Variants in TTC7B observed in about 807,000 individuals in gnomAD.
TTC7B encodes the protein tetratricopeptide repeat protein 7B.
In TTC7B, 28 loss-of-function variants were observed where a neutral mutation model predicts 106.8. That is an observed-to-expected ratio of 0.26 (90% CI 0.19 to 0.36). TTC7B has a LOEUF of 0.36. Among genes scored for constraint, TTC7B ranks in the 10% least tolerant of loss-of-function variants. The pLI, the probability that TTC7B is intolerant of heterozygous loss-of-function variation, is 1.00. For synonymous variants in TTC7B, 405 were observed against 430.6 expected, an observed-to-expected ratio of 0.94 and a Z score of 0.74; for missense variants, 862 against 1,076.4, an observed-to-expected ratio of 0.80 and a Z score of 2.79.
chr14:90,738,933 G>A (rs1889650841), intron 4 of TTC7B, among the ~76,000 whole-genome samples: 1 of 152,176 alleles, frequency 6.6e-6, no homozygotes, highest in Non-Finnish European at 1.5e-5. Context: ...GCTGAGGTAA[G>A]AGGATCGCTT....
chr14:90,615,211 A>G lies in TTC7B; in HGVS notation c.1868+2718T>C, dbSNP rs573948303. ...CCCCCTTTAAGCAAAAATCGAGAAGAGGGAACGGGTTGCTGAGAATATGAA... is the reference window on the plus strand; with the variant it reads ...CCCCCTTTAAGCAAAAATCGAGAAGGGGGAACGGGTTGCTGAGAATATGAA... On this transcript the variant is annotated intron_variant, in intron 16 of 19. Transcript: ENST00000328459. Among the ~76,000 whole-genome samples the G allele has an allele frequency of 2.4e-4, 37 of 152,282 alleles. No individual in the cohort carries two copies. In the South Asian group the frequency reaches 7.3e-3, roughly 30 times the overall value.
Position 90,541,562 on chromosome 14 carries a change from A to G in TTC7B, c.2338T>C (p.Tyr780His). 6.2e-7 allele frequency: 1 copy of G among 1,604,906 alleles called. No individual in the cohort carries two copies. Among genetic ancestry groups the G allele is most frequent in the Non-Finnish European group, 8.5e-7 (1 of 1,173,260 alleles). ...LALILHQLGR[Y>H]SLAEKILRDA... ...CGGAGGATCTTCTCCGCCAGACTGT[A>G]GCGGCCTAGCTGGTGAAGGATCAGG... The change falls in exon 20 of 20, where the codon TAC (tyrosine) becomes CAC (histidine). Residue 780 changes from tyrosine (Y) to histidine (H), a missense_variant. By Grantham distance (83) the Tyr-to-His change is moderately conservative (BLOSUM62 2). Transcript: ENST00000328459.
chr14:90,730,216 G>T lies in TTC7B; in HGVS notation c.577-20C>A. The T allele has an allele frequency of 6.3e-7, 1 of 1,592,036 alleles. No individual in the cohort carries two copies. The stretch of plus-strand genomic sequence containing the variant: ...TATTACCTAGAAGGGGAGAAAATTG[G>T]AAAACTAATCAGATGCACATCCAAG... On this transcript the variant is annotated intron_variant, in intron 4 of 19. Transcript: ENST00000328459.
chr14:90,612,178 C>T (rs190949823), intron 16 of TTC7B, among the ~76,000 whole-genome samples: 1 of 152,310 alleles, frequency 6.6e-6, no homozygotes, highest in African/African-American at 2.4e-5. Context: ...TCAGCCTATA[C>T]TTATTACATC....
intron 7 of TTC7B, among the ~76,000 whole-genome samples, chr14:90,688,472 A>T (rs1887332241): frequency 6.6e-6 from 1 of 152,034 alleles, no homozygotes; most frequent in African/African-American, 2.4e-5. Flanking sequence ...AAATACAAAA[A>T]ATTAGCCAGG....
chr14:90,794,237 T>A (rs1318738538), intron 1 of TTC7B, among the ~76,000 whole-genome samples: 1 of 133,364 alleles, frequency 7.5e-6, no homozygotes. Context: ...TTTTTTTTTT[T>A]GAGACGGAGT....
chr14:90,752,980 G>T (rs78442576), intron 3 of TTC7B, among the ~76,000 whole-genome samples: 1 of 152,134 alleles, frequency 6.6e-6, no homozygotes, highest in African/African-American at 2.4e-5. Context: ...TCCCCAGATC[G>T]CTGGGCCTCC....
chr14:90,634,941 C>G (rs912540280), intron 15 of TTC7B, among the ~76,000 whole-genome samples: 1 of 152,128 alleles, frequency 6.6e-6, no homozygotes, highest in African/African-American at 2.4e-5. Flanking sequence ...TGTACAATAG[C>G]AGTAACAACA....
intron 18 of TTC7B, among the ~76,000 whole-genome samples, chr14:90,588,886 T>TA (rs572763059): frequency 0.052 from 4,272 of 81,638 alleles, 93 homozygotes; most frequent in African/African-American, 0.11. Context: ...AAACAAAAAC[T>TA]AAAAAAAAAA....
chr14:90,758,328 G>GGGCGGGGCGGGGCGGGGCGC (rs1207016707), intron 3 of TTC7B, among the ~76,000 whole-genome samples: 1 of 147,592 alleles, frequency 6.8e-6, no homozygotes, highest in African/African-American at 2.5e-5. Context: ...CAGGACGGCG[G>GGGCGGGGCGGGGCGGGGCGC]GGCGGGGCGG....
intron 5 of TTC7B, among the ~76,000 whole-genome samples, chr14:90,701,233 G>A (rs1436756411): frequency 6.6e-6 from 1 of 152,204 alleles, no homozygotes; most frequent in Admixed American, 6.5e-5. Flanking sequence ...TATGAGAGCT[G>A]TACTGGGCTT....
intron 3 of TTC7B, among the ~76,000 whole-genome samples, chr14:90,755,908 A>T (rs1483167036): frequency 2.0e-5 from 3 of 152,270 alleles, no homozygotes; most frequent in African/African-American, 7.2e-5. Context: ...TCTTCTCATT[A>T]TATGTCTTTC....
chr14:90,609,717 G>C (rs192294500), intron 17 of TTC7B, among the ~76,000 whole-genome samples: 38 of 152,282 alleles, frequency 2.5e-4, no homozygotes, highest in South Asian at 2.1e-4. Context: ...GAAGGAACAG[G>C]AGCAGGTTCC....
At chr14:90,770,967 C>T (rs552841195) in intron 3 of TTC7B, among the ~76,000 whole-genome samples, 18 of 152,144 alleles carry the variant, frequency 1.2e-4, no homozygotes, top group Non-Finnish European at 2.4e-4. Flanking sequence ...TACCACATGA[C>T]TCCACTTATA....
Position 90,742,383 on chromosome 14 carries a change from C to A in TTC7B, c.576+2409G>T, listed in dbSNP as rs7149153. ...TCATTTGTAGAGACAAGGTCTCACT[C>A]TGTTGACCAGGCTGATCTTAAACTT... On this transcript the variant is annotated intron_variant, in intron 4 of 19. Transcript: ENST00000328459. The surrounding 1 kb of genome is among the most constrained non-coding windows in gnomAD (Gnocchi z 4.1). 0.94 allele frequency among the ~76,000 whole-genome samples: 141,703 copies of A among 151,496 alleles called. 66,592 individuals are homozygous for A. The highest frequency in any genetic ancestry group is 0.99 in the Non-Finnish European group (67,137 of 67,946).
At chr14:90,579,552 C>T (rs1187030049) in intron 18 of TTC7B, among the ~76,000 whole-genome samples, 1 of 152,212 alleles carries the variant, frequency 6.6e-6, no homozygotes, top group Non-Finnish European at 1.5e-5. Flanking sequence ...AATCCTAGTA[C>T]TTTGGGAGGC....
At chr14:90,586,454 G>T (rs906593858) in intron 18 of TTC7B, among the ~76,000 whole-genome samples, 4 of 152,092 alleles carry the variant, frequency 2.6e-5, no homozygotes, top group African/African-American at 9.7e-5. Context: ...ATTTTTAGTA[G>T]AGACGGGGTT....
chr14:90,761,909 C>T (rs117995357), intron 3 of TTC7B, among the ~76,000 whole-genome samples: 551 of 152,296 alleles, frequency 3.6e-3, no homozygotes, highest in Non-Finnish European at 6.1e-3. Flanking sequence ...TTTTGCAATA[C>T]CTCTGATATC....
intron 19 of TTC7B, among the ~76,000 whole-genome samples, chr14:90,550,043 T>A (rs1018630141): frequency 3.3e-5 from 5 of 152,180 alleles, no homozygotes; most frequent in Non-Finnish European, 4.4e-5. Flanking sequence ...AAGTCACATA[T>A]CCCTGAAAGA....
Sources: allele counts gnomAD v4.1 joint callset (sites outside exome capture counted in the v4.1 genomes callset), GRCh38; gene constraint gnomAD v4.1.1; non-coding constraint Gnocchi (gnomAD v3.1); transcripts MANE v1.5; gene names NCBI Gene and HGNC (gene_info 2026-07-23, HGNC 2026-07-21).